The following RANBP9 variants were observed in gnomAD, a reference collection of about 807,000 sequenced individuals.
RANBP9 encodes the protein ran-binding protein 9.
Under a neutral mutation model 84.3 loss-of-function variants are expected in RANBP9, and 15 were observed. The ratio of observed to expected loss-of-function variants is 0.18; its 90% CI spans 0.12 to 0.27. RANBP9 has a LOEUF of 0.27. Among genes scored for constraint, RANBP9 ranks in the 10% least tolerant of loss-of-function variants. The probability of loss-of-function intolerance (pLI) is 1.00; values close to 1 mark genes in which losing one functional copy is unlikely to be tolerated. For missense variants in RANBP9, 809 were observed against 912.8 expected, an observed-to-expected ratio of 0.89 and a Z score of 1.46; for synonymous variants, 392 against 349.6, an observed-to-expected ratio of 1.12 and a Z score of -1.35.
At chr6:13,684,747 TTAAA>T (rs767624099) in intron 2 of RANBP9, among the ~76,000 whole-genome samples, 91 of 152,306 alleles carry the variant, frequency 6.0e-4, no homozygotes, top group Non-Finnish European at 1.0e-3. Flanking sequence ...AGGACAGATC[TTAAA>T]TAAATAATTA....
intron 4 of RANBP9, among the ~76,000 whole-genome samples, chr6:13,656,154 G>A (rs1410434402): frequency 6.6e-6 from 1 of 151,962 alleles, no homozygotes; most frequent in Non-Finnish European, 1.5e-5. Context: ...TGAAATAACA[G>A]AAAAAACAGC....
At position 13,637,866 on chromosome 6, in the gene RANBP9, C is replaced by T; in HGVS notation, c.1615G>A (p.Val539Ile). 1 of 1,610,246 alleles carries T rather than the reference C, an allele frequency of 6.2e-7. No individual in the cohort carries two copies. Among genetic ancestry groups the T allele is most frequent in the South Asian group, 1.1e-5 (1 of 90,900 alleles). The change falls in exon 10 of 14, where the codon GTA (valine) becomes ATA (isoleucine). Residue 539 changes from valine (V) to isoleucine (I), a missense_variant. Val to Ile is a conservative substitution (Grantham distance 29, BLOSUM62 3). This residue lies in a region of RANBP9 where 233 missense variants were observed against 234.4 expected (regional missense o/e 0.99). Transcript: ENST00000011619. Reference protein sequence around the residue: ...SNKHQSSNLNVPELNSINMSR... With the variant: ...SNKHQSSNLNIPELNSINMSR... Reference sequence around the variant, plus strand: ...ATATTTATACTGTTTAGTTCTGGTACATTCAAGTTGGATGACTGGTGTTTA... The same window carrying T: ...ATATTTATACTGTTTAGTTCTGGTATATTCAAGTTGGATGACTGGTGTTTA...
chr6:13,634,635 C>A (rs1407305432), intron 10 of RANBP9, 83 bp from the exon 11 acceptor site: 1 of 1,221,048 alleles, frequency 8.2e-7, no homozygotes, highest in Admixed American at 2.8e-5. Context: ...AACTACATAG[C>A]CTACGAATAA....
intron 2 of RANBP9, among the ~76,000 whole-genome samples, chr6:13,689,173 A>C (rs964524396): frequency 2.0e-5 from 3 of 151,762 alleles, no homozygotes; most frequent in African/African-American, 7.3e-5. Flanking sequence ...AAACAAAACA[A>C]AACAAAAAAC....
intron 9 of RANBP9, among the ~76,000 whole-genome samples, chr6:13,638,640 C>G (rs773480799): frequency 4.6e-5 from 7 of 151,882 alleles, no homozygotes; most frequent in Non-Finnish European, 1.0e-4. Flanking sequence ...AGACCAGCAT[C>G]AGAAACATTG....
At chr6:13,677,208 C>T (rs779669419) in intron 2 of RANBP9, among the ~76,000 whole-genome samples, 1 of 152,074 alleles carries the variant, frequency 6.6e-6, no homozygotes, top group Non-Finnish European at 1.5e-5. Context: ...TTCCTACGCA[C>T]CAGCAATGAA....
chr6:13,678,887 C>A (rs969214405), intron 2 of RANBP9, among the ~76,000 whole-genome samples: 2 of 152,058 alleles, frequency 1.3e-5, no homozygotes, highest in Non-Finnish European at 2.9e-5. Flanking sequence ...AGAATAGCCA[C>A]TATTAATATA....
intron 12 of RANBP9, among the ~76,000 whole-genome samples, chr6:13,627,831 C>T (rs775614245): frequency 3.3e-5 from 5 of 151,958 alleles, no homozygotes; most frequent in Non-Finnish European, 5.9e-5. Context: ...AGCCTACATC[C>T]TAACACACCA....
intron 5 of RANBP9, among the ~76,000 whole-genome samples, chr6:13,647,419 A>G (rs928543801): frequency 3.9e-5 from 6 of 152,152 alleles, no homozygotes; most frequent in Non-Finnish European, 7.4e-5. Flanking sequence ...ATAATTGATC[A>G]ATTGTGGTAG....
intron 12 of RANBP9, among the ~76,000 whole-genome samples, chr6:13,630,127 T>G (rs1055427070): frequency 2.6e-5 from 4 of 152,158 alleles, no homozygotes; most frequent in African/African-American, 7.2e-5. Flanking sequence ...TGGCTACTTA[T>G]ATATAAGGTG....
chr6:13,641,952 G>A (rs986793044), intron 7 of RANBP9, among the ~76,000 whole-genome samples: 12 of 152,184 alleles, frequency 7.9e-5, no homozygotes, highest in African/African-American at 2.9e-4. Flanking sequence ...CCACCCTGAT[G>A]GACAAACAGC....
At chr6:13,691,651 T>C (rs559213615) in intron 2 of RANBP9, among the ~76,000 whole-genome samples, 1 of 152,280 alleles carries the variant, frequency 6.6e-6, no homozygotes, top group African/African-American at 2.4e-5. Context: ...CTCAGTGTTT[T>C]TTTTTTGTTT....
rs189241980 is a variant in RANBP9 at position 13,643,219 on chromosome 6, T to C, written c.1113-628A>G. Among the ~76,000 whole-genome samples the C allele has an allele frequency of 1.1e-4, 17 of 152,342 alleles. No individual in the cohort carries two copies. The East Asian group carries it at 2.9e-3, about 26-fold the overall frequency. On this transcript the variant is annotated intron_variant, in intron 6 of 13. Coordinates refer to ENST00000011619, the MANE Select transcript of RANBP9 (RefSeq NM_005493.3). ...GGTTTTACCCAAGAGATTTATCAAA[T>C]ATGGTTTACATGTAAGTGACACATT... is the stretch of plus-strand genomic sequence containing the variant.
intron 10 of RANBP9, 132 bp downstream of exon 10, chr6:13,637,676 T>G: frequency 1.1e-6 from 1 of 881,736 alleles, no homozygotes; most frequent in Non-Finnish European, 1.6e-6. Flanking sequence ...TACGCTTTTA[T>G]TCTCTGGGGG....
chr6:13,668,591 A>G (rs927143275), intron 2 of RANBP9, among the ~76,000 whole-genome samples: 1 of 152,152 alleles, frequency 6.6e-6, no homozygotes, highest in African/African-American at 2.4e-5. Flanking sequence ...AATGTAATAT[A>G]TTAAGAAAAT....
intron 4 of RANBP9, among the ~76,000 whole-genome samples, chr6:13,655,800 C>G (rs1251985000): frequency 6.6e-6 from 1 of 152,170 alleles, no homozygotes; most frequent in African/African-American, 2.4e-5. Flanking sequence ...ACATCTTAAG[C>G]AGTCAAGCCA....
At chr6:13,691,773 C>T (rs1766327453) in intron 2 of RANBP9, among the ~76,000 whole-genome samples, 1 of 152,126 alleles carries the variant, frequency 6.6e-6, no homozygotes, top group South Asian at 2.1e-4. Context: ...TCAAGCGATT[C>T]TCCTGCCCCA....
At chr6:13,624,246 C>T (rs1439003196) in intron 13 of RANBP9, among the ~76,000 whole-genome samples, 4 of 152,192 alleles carry the variant, frequency 2.6e-5, no homozygotes, top group Non-Finnish European at 5.9e-5. Context: ...GGCAAAGAAA[C>T]AGACTGAGTC....
chr6:13,625,882 T>G, intron 12 of RANBP9, 118 bp from the exon 13 acceptor site: 1 of 654,996 alleles, frequency 1.5e-6, no homozygotes, highest in Non-Finnish European at 2.7e-6. Flanking sequence ...ATGTAAACTT[T>G]AAACCCATTT....
Sources: gnomAD v4.1 joint callset for allele counts (sites outside exome capture counted in the v4.1 genomes callset) on GRCh38, gnomAD v4.1.1 for gene constraint, gnomAD v4.1.1 regional missense constraint, MANE v1.5 for transcripts, NCBI Gene and HGNC (gene_info 2026-07-23, HGNC 2026-07-21) for gene names.